AKR1B10: variants seen among roughly 807,000 people sequenced by gnomAD.
The protein encoded by AKR1B10 is aldo-keto reductase family 1 member B10.
In AKR1B10, 39 loss-of-function variants were observed where a neutral mutation model predicts 38.9. That is an observed-to-expected ratio of 1.00 (90% confidence interval 0.78 to 1.31). The LOEUF is 1.31. AKR1B10 is among the 50% of genes most tolerant of loss of function. AKR1B10 has a pLI of 0.00. For synonymous variants in AKR1B10, 148 were observed against 141.2 expected (o/e 1.05, Z -0.34); for missense variants, 361 against 382.6 (o/e 0.94, Z 0.47).
At chr7:134,539,797 A>T (rs1834150) in intron 9 of AKR1B10, among the ~76,000 whole-genome samples, 62,923 of 152,120 alleles carry the variant, frequency 0.41, 13,375 homozygotes, top group Non-Finnish European at 0.46. Context: ...CTTTACAAGC[A>T]ATACTTTCTG....
chr7:134,530,741 G>T lies in AKR1B10; in HGVS notation c.165G>T (p.Val55=), dbSNP rs1322799245. The part of the protein sequence containing the change: ...CAYVYQNEHE[V]GEAIQEKIQE... ...ATGTCTATCAGAATGAACATGAAGTGGGGGAAGCCATCCAAGAGAAGATCC... is the reference window on the plus strand; with the variant it reads ...ATGTCTATCAGAATGAACATGAAGTTGGGGAAGCCATCCAAGAGAAGATCC... Residue 55 remains valine (V), a synonymous_variant, in exon 2 of 10, where the codon GTG becomes GTT. Transcript: ENST00000359579. 4 of 1,614,030 alleles carry T rather than the reference G, an allele frequency of 2.5e-6. No individual in the cohort carries two copies. The highest frequency in any genetic ancestry group is 2.2e-5 in the East Asian group (1 of 44,866).
intron 9 of AKR1B10, among the ~76,000 whole-genome samples, chr7:134,539,864 G>T (rs1300263157): frequency 6.6e-6 from 1 of 152,240 alleles, no homozygotes; most frequent in Non-Finnish European, 1.5e-5. Context: ...ATTACTGCCA[G>T]ATCTGTAATT....
At chr7:134,539,575 T>C (rs1562932437) in intron 9 of AKR1B10, among the ~76,000 whole-genome samples, 1 of 152,098 alleles carries the variant, frequency 6.6e-6, no homozygotes, top group Non-Finnish European at 1.5e-5. Flanking sequence ...TATGCATATT[T>C]GGGGGAAGAG....
At position 134,535,585 on chromosome 7, in the gene AKR1B10, C is replaced by CCTTTTTTTTTT. The variant is rs1554396831; in HGVS notation, c.430-1065_430-1064insCTTTTTTTTTT. On this transcript the variant is annotated intron_variant, in intron 4 of 9. Coordinates refer to ENST00000359579, the MANE Select transcript of AKR1B10 (RefSeq NM_020299.5). ...CTCATGTTTTTTCCCTCTTTTCTGT[C>CCTTTTTTTTTT]TTTTTTTTTTTTTTTTTTTTTTTCT... 1.7e-5 allele frequency: 7 copies of CCTTTTTTTTTT among 410,554 alleles called. 1 individual carries two copies. Among genetic ancestry groups the CCTTTTTTTTTT allele is most frequent in the African/African-American group, 1.5e-4 (5 of 33,348 alleles). 25.4% of individuals were successfully genotyped at this position (410,554 alleles called of 1,614,324 possible). A position where few individuals can be genotyped will look rare whatever the true frequency, so the allele number is the denominator to read the frequency against.
intron 1 of AKR1B10, among the ~76,000 whole-genome samples, chr7:134,528,666 A>C (rs1807761773): frequency 6.6e-6 from 1 of 152,162 alleles, no homozygotes; most frequent in Non-Finnish European, 1.5e-5. Flanking sequence ...TCAAGGCTGC[A>C]ATGAGCAGTG....
chr7:134,528,327 G>A (rs1476659197), intron 1 of AKR1B10, among the ~76,000 whole-genome samples: 1 of 152,186 alleles, frequency 6.6e-6, no homozygotes, highest in African/African-American at 2.4e-5. Context: ...TGTGGGCTGG[G>A]TGGTTGAGGA....
rs1415157276 is a variant in AKR1B10 at position 134,536,668 on chromosome 7, G to C, written c.448G>C (p.Asp150His). The C allele has an allele frequency of 1.2e-6, 2 of 1,613,788 alleles. No homozygotes were observed. Among genetic ancestry groups the C allele is most frequent in the African/African-American group, 2.7e-5 (2 of 74,928 alleles). Residue 150 changes from aspartate (D) to histidine (H), a missense_variant, in exon 5 of 10, where the codon GAT becomes CAT. Transcript: ENST00000359579. ...ATGATAGGCCATGGAGGAGCTGGTGGATGAGGGGCTGGTGAAAGCCCTTGG... is the reference window on the plus strand; with the variant it reads ...ATGATAGGCCATGGAGGAGCTGGTGCATGAGGGGCTGGTGAAAGCCCTTGG... ...DAWEAMEELVDEGLVKALGVS... is the reference protein window; with the variant it reads ...DAWEAMEELVHEGLVKALGVS...
In AKR1B10 at chr7:134,527,902, T is replaced by C. The variant is rs1286007491; in HGVS notation, c.-10T>C. ...CTACCTGCTCACTCAGAATCATTTC[T>C]GCACCAACCATGGCCACGTTTGTGG... On this transcript the variant is annotated 5_prime_UTR_variant, in exon 1 of 10. Transcript: ENST00000359579. 1.9e-6 allele frequency: 3 copies of C among 1,613,074 alleles called. No homozygotes were observed. The highest frequency in any genetic ancestry group is 2.2e-5 in the East Asian group (1 of 44,854).
At chr7:134,536,819 T>C (rs1222292381) in intron 5 of AKR1B10, 47 bp downstream of exon 5, 1 of 1,609,874 alleles carries the variant, frequency 6.2e-7, no homozygotes, top group Non-Finnish European at 8.5e-7. Context: ...CTATTACTTC[T>C]TAAACATTGC....
rs1240363170 is a variant in AKR1B10 at position 134,533,064 on chromosome 7, T to G, written c.412T>G (p.Phe138Val). ...TAATGCCATCGGTGGAAAAGCAACG[T>G]TCTTGGATGCCTGGGAGGTAGGTTC... The part of the protein sequence containing the change: ...KGNAIGGKAT[F>V]LDAWEAMEEL... The change falls in exon 4 of 10, where the codon TTC becomes GTC. Residue 138 changes from phenylalanine to valine, a missense_variant. Physicochemically the swap from Phe to Val is conservative, Grantham distance 50. Around this residue, in one of 3 missense-constraint regions of AKR1B10, gnomAD observed 220 missense variants for 216.1 expected, o/e 1.02. Coordinates refer to ENST00000359579, the MANE Select transcript of AKR1B10 (RefSeq NM_020299.5). The G allele has an allele frequency of 6.3e-7, 1 of 1,597,046 alleles. No individual in the cohort carries two copies. Among genetic ancestry groups the G allele is most frequent in the Non-Finnish European group, 8.5e-7 (1 of 1,173,906 alleles).
chr7:134,539,552 G>A (rs1808096330), intron 9 of AKR1B10, among the ~76,000 whole-genome samples: 1 of 152,118 alleles, frequency 6.6e-6, no homozygotes, highest in Admixed American at 6.5e-5. Flanking sequence ...GCTTTGCTGT[G>A]AGGGATATAC....
intron 3 of AKR1B10, 105 bp downstream of exon 3, chr7:134,532,129 C>G (rs953708632): frequency 1.3e-5 from 18 of 1,362,588 alleles, no homozygotes; most frequent in Non-Finnish European, 1.9e-5. Context: ...GGAGGCCTTG[C>G]ATTTCATAAT....
In AKR1B10 at chr7:134,536,672, A is replaced by G; in HGVS notation, c.452A>G (p.Glu151Gly). Residue 151 changes from glutamate (E) to glycine (G), a missense_variant, in exon 5 of 10, where the codon GAG (glutamate) becomes GGG (glycine). By Grantham distance (98) the Glu-to-Gly change is moderately conservative (BLOSUM62 -2). Transcript: ENST00000359579. ...AWEAMEELVD[E>G]GLVKALGVSN... ...TAGGCCATGGAGGAGCTGGTGGATG[A>G]GGGGCTGGTGAAAGCCCTTGGGGTC... is the stretch of plus-strand genomic sequence containing the variant. The G allele has an allele frequency of 2.5e-6, 4 of 1,613,872 alleles. No homozygotes were observed. Among genetic ancestry groups the G allele is most frequent in the Non-Finnish European group, 3.4e-6 (4 of 1,179,806 alleles).
In AKR1B10 at chr7:134,538,946, T is replaced by G. The variant is rs1428077112; in HGVS notation, c.837T>G (p.Phe279Leu). 22 of 1,614,042 alleles carry G rather than the reference T, an allele frequency of 1.4e-5. No homozygotes were observed. The highest frequency in any genetic ancestry group is 1.8e-5 in the Non-Finnish European group (21 of 1,179,972). ...RIVENIQVFD[F>L]KLSDEEMATI... The stretch of plus-strand genomic sequence containing the variant: ...TCCTACCTTTCCAGGTCTTTGACTT[T>G]AAATTGAGTGATGAGGAGATGGCAA... Residue 279 changes from phenylalanine to leucine, a missense_variant, in exon 9 of 10, where the codon TTT (phenylalanine) becomes TTG (leucine). By Grantham distance (22) the Phe-to-Leu change is conservative. Coordinates refer to ENST00000359579, the MANE Select transcript of AKR1B10 (RefSeq NM_020299.5).
chr7:134,535,618 C>A, intron 4 of AKR1B10: 1 of 558,964 alleles, frequency 1.8e-6, no homozygotes, highest in Non-Finnish European at 2.2e-6. Flanking sequence ...TCTTTTGAGG[C>A]CCAGCTTATA....
In AKR1B10 at chr7:134,533,044, C is replaced by A; in HGVS notation, c.392C>A (p.Ala131Asp). The change falls in exon 4 of 10, where the codon GCC (alanine) becomes GAC (aspartate). Residue 131 changes from alanine (A) to aspartate (D), a missense_variant. Physicochemically the swap from Ala to Asp is moderately radical, Grantham distance 126. Transcript: ENST00000359579. ...DLFPKDDKGN[A>D]IGGKATFLDA... ...TTCCCCAAAGATGATAAAGGTAATG[C>A]CATCGGTGGAAAAGCAACGTTCTTG... 6.3e-7 allele frequency: 1 copy of A among 1,599,992 alleles called. No individual in the cohort carries two copies. Among genetic ancestry groups the A allele is most frequent in the East Asian group, 2.3e-5 (1 of 43,806 alleles).
chr7:134,538,199 G>T lies in AKR1B10; in HGVS notation c.747G>T (p.Leu249=). The stretch of plus-strand genomic sequence containing the variant: ...GATGTCCCCTTTCCGCATAGGTTCT[G>T]ATCCGTTTCCATATCCAGAGGAATG... ...AKHKKTAAQV[L]IRFHIQRNVI... is the part of the protein sequence containing the mutation. Residue 249 remains leucine (L), a synonymous_variant, in exon 8 of 10, where the codon CTG becomes CTT. Coordinates refer to ENST00000359579, the MANE Select transcript of AKR1B10 (RefSeq NM_020299.5). The T allele has an allele frequency of 6.2e-7, 1 of 1,614,080 alleles. No homozygotes were observed. Among genetic ancestry groups the T allele is most frequent in the Non-Finnish European group, 8.5e-7 (1 of 1,179,952 alleles).
At chr7:134,534,479 T>C (rs923353159) in intron 4 of AKR1B10, among the ~76,000 whole-genome samples, 9 of 152,248 alleles carry the variant, frequency 5.9e-5, no homozygotes, top group Non-Finnish European at 1.3e-4. Flanking sequence ...CCATGAAGTA[T>C]GGCAAGTATG....
chr7:134,537,699 A>T (rs758704545), intron 7 of AKR1B10, 38 bp downstream of exon 7: 1 of 1,605,934 alleles, frequency 6.2e-7, no homozygotes, highest in African/African-American at 1.3e-5. Flanking sequence ...CCAACAACTC[A>T]TTCTTCCAGT....
Sources: gnomAD v4.1 joint callset for allele counts (sites outside exome capture counted in the v4.1 genomes callset) on GRCh38, gnomAD v4.1.1 for gene constraint, gnomAD v4.1.1 regional missense constraint, MANE v1.5 for transcripts, NCBI Gene and HGNC (gene_info 2026-07-23, HGNC 2026-07-21) for gene names.